FLT1: variants seen among roughly 807,000 people sequenced by gnomAD.
FLT1 encodes the protein fms related receptor tyrosine kinase 1.
FLT1 carries 49 observed loss-of-function variants against 156.3 expected under a neutral mutation model. The observed-to-expected ratio is 0.31, with a 90% confidence interval of 0.25 to 0.40. The LOEUF (loss-of-function observed/expected upper bound fraction) is 0.40. Ranked by LOEUF, FLT1 falls within the 10% of genes least tolerant of loss-of-function variation. FLT1 has a pLI of 1.00. For missense variants in FLT1, 1,322 were observed against 1,637.2 expected (o/e 0.81, Z 3.32); for synonymous variants, 594 against 583.8 (o/e 1.02, Z -0.25).
chr13:28,482,901 TG>T (rs1880942880), intron 1 of FLT1, among the ~76,000 whole-genome samples: 1 of 152,232 alleles, frequency 6.6e-6, no homozygotes, highest in Non-Finnish European at 1.5e-5. Context: ...TGACCAGTTT[TG>T]AAGACAGAGG....
At chr13:28,469,899 G>A (rs1880055791) in intron 1 of FLT1, among the ~76,000 whole-genome samples, 1 of 152,050 alleles carries the variant, frequency 6.6e-6, no homozygotes, top group African/African-American at 2.4e-5. Flanking sequence ...GACTACAGGT[G>A]CGCATCATCA....
intron 11 of FLT1, among the ~76,000 whole-genome samples, chr13:28,398,760 C>T (rs962286292): frequency 5.3e-5 from 8 of 152,176 alleles, no homozygotes; most frequent in African/African-American, 1.7e-4. Flanking sequence ...AGGCATTGCC[C>T]AGATGTTGTA....
rs150982836 is a variant in FLT1, at chr13:28,435,584, G to A, written c.514-1364C>T. On this transcript the variant is annotated intron_variant, in intron 4 of 29. Transcript: ENST00000282397. ...AAAGAAGCTCGAAACCTTTTCTATC[G>A]CCTTTTAAAAAGTACACCTGGCATC... Among the ~76,000 whole-genome samples the A allele has an allele frequency of 9.2e-5, 14 of 152,184 alleles. 1 individual carries two copies. Among genetic ancestry groups the A allele is most frequent in the African/African-American group, 3.1e-4 (13 of 41,528 alleles).
At chr13:28,379,850 A>C (rs565065307) in intron 14 of FLT1, among the ~76,000 whole-genome samples, 3 of 152,214 alleles carry the variant, frequency 2.0e-5, no homozygotes, top group Non-Finnish European at 4.4e-5. Context: ...AAAGGAAATG[A>C]TAAGGGAGGA....
chr13:28,463,829 A>C (rs1327265729), intron 3 of FLT1, among the ~76,000 whole-genome samples: 2 of 152,290 alleles, frequency 1.3e-5, no homozygotes, highest in East Asian at 3.9e-4. Context: ...AGAGACATAA[A>C]ATATTAGACT....
In FLT1 at chr13:28,357,597, G is replaced by A. The variant is rs868690929; in HGVS notation, c.2205C>T (p.Asn735=). 1 of 1,614,030 alleles carries A rather than the reference G, an allele frequency of 6.2e-7. No homozygotes were observed. The highest frequency in any genetic ancestry group is 8.5e-7 in the Non-Finnish European group (1 of 1,179,934). The change falls in exon 15 of 30, where the codon AAC becomes AAT. Residue 735 remains asparagine, a synonymous_variant. Coordinates refer to ENST00000282397, the MANE Select transcript of FLT1 (RefSeq NM_002019.4). ...DEGVYHCKAT[N]QKGSVESSAY... The stretch of plus-strand genomic sequence containing the variant: ...CTGAACTTTCCACAGAGCCCTTCTG[G>A]TTGGTGGCTTTGCAGTGATAGACAC...
chr13:28,473,515 C>T (rs547133853), intron 1 of FLT1, among the ~76,000 whole-genome samples: 41 of 151,436 alleles, frequency 2.7e-4, no homozygotes, highest in African/African-American at 9.2e-4. Context: ...CATGGTGGTG[C>T]GCGCCTGTAG....
chr13:28,372,455 A>T (rs1237399395), intron 14 of FLT1, among the ~76,000 whole-genome samples: 3 of 150,910 alleles, frequency 2.0e-5, no homozygotes, highest in African/African-American at 7.3e-5. Context: ...CATTGACAAG[A>T]TACATATCAA....
intron 1 of FLT1, among the ~76,000 whole-genome samples, chr13:28,489,890 T>G (rs572758700): frequency 3.3e-5 from 5 of 152,212 alleles, no homozygotes; most frequent in Admixed American, 2.0e-4. Context: ...AGCCATCATT[T>G]TGATTCTTAG....
intron 17 of FLT1, among the ~76,000 whole-genome samples, chr13:28,336,871 C>G (rs2138848802): frequency 6.6e-6 from 1 of 151,828 alleles, no homozygotes; most frequent in East Asian, 1.9e-4. Flanking sequence ...GCTCAGCCTC[C>G]TGAGTAGCTG....
rs768673087 is a variant in FLT1 at position 28,385,009 on chromosome 13, C to T, written c.1992G>A (p.Leu664=). Residue 664 remains leucine (L), a synonymous_variant, in exon 14 of 30, where the codon CTG becomes CTA. Transcript: ENST00000282397. ...TIRDQEAPYL[L]RNLSDHTVAI... ...CCACTGTGTGATCACTGAGGTTTCG[C>T]AGGAGGTATGGTGCTTCCTGATCTA... The T allele has an allele frequency of 5.0e-6, 8 of 1,613,976 alleles. 1 individual carries two copies. The South Asian group carries it at 8.8e-5, about 18-fold the overall frequency.
intron 11 of FLT1, among the ~76,000 whole-genome samples, chr13:28,398,860 T>C (rs936853378): frequency 2.0e-5 from 3 of 152,220 alleles, no homozygotes; most frequent in Non-Finnish European, 2.9e-5. Context: ...TTGAAGATCA[T>C]ACAAAAATTA....
chr13:28,465,780 G>GT lies in FLT1; in HGVS notation c.388+1122dup, dbSNP rs528354582. ...AATCGCTTGCCCCTGGGAGGCAGAA[G>GT]TTGCAGTGAGCTGCCATTGCACTCC... On this transcript the variant is annotated intron_variant, in intron 3 of 29. Coordinates refer to ENST00000282397, the MANE Select transcript of FLT1 (RefSeq NM_002019.4). Among the ~76,000 whole-genome samples, 11 of 152,298 alleles carry GT rather than the reference G, an allele frequency of 7.2e-5. No homozygotes were observed. In the South Asian group the frequency reaches 1.2e-3, roughly 17 times the overall value.
chr13:28,453,393 G>T (rs116947281), intron 3 of FLT1, among the ~76,000 whole-genome samples: 9,349 of 152,096 alleles, frequency 0.061, 430 homozygotes, highest in Admixed American at 0.12. Context: ...CAAGTGTTGG[G>T]ACTACAGGCG....
chr13:28,339,757 A>T (rs564536314), intron 16 of FLT1, among the ~76,000 whole-genome samples: 5 of 152,190 alleles, frequency 3.3e-5, no homozygotes, highest in African/African-American at 4.8e-5. Flanking sequence ...TATATAGGAA[A>T]AGCAAGAAGT....
chr13:28,316,664 A>T, intron 25 of FLT1, among the ~76,000 whole-genome samples: 1 of 147,734 alleles, frequency 6.8e-6, no homozygotes, highest in African/African-American at 2.5e-5. Context: ...TTTGAGACAT[A>T]ATCTCACTCT....
chr13:28,478,314 C>G (rs1880662872), intron 1 of FLT1, among the ~76,000 whole-genome samples: 1 of 152,204 alleles, frequency 6.6e-6, no homozygotes, highest in African/African-American at 2.4e-5. Flanking sequence ...TACATAGCAT[C>G]AGGATTACAG....
chr13:28,303,767 C>G lies in FLT1; in HGVS notation c.3816-399G>C, dbSNP rs1870619650. On this transcript the variant is annotated intron_variant, in intron 29 of 29. Transcript: ENST00000282397. ...AAATTTTTCATATTTTATATCCCTTCTGGCCTCCAGAACTGCAAGAGAATA... is the reference window on the plus strand; with the variant it reads ...AAATTTTTCATATTTTATATCCCTTGTGGCCTCCAGAACTGCAAGAGAATA... 2.6e-5 allele frequency among the ~76,000 whole-genome samples: 4 copies of G among 152,172 alleles called. No homozygotes were observed. In the South Asian group the frequency reaches 8.3e-4, roughly 31 times the overall value.
intron 1 of FLT1, among the ~76,000 whole-genome samples, chr13:28,470,465 T>C (rs1019242958): frequency 2.0e-5 from 3 of 152,210 alleles, no homozygotes; most frequent in Non-Finnish European, 4.4e-5. Flanking sequence ...CTGGCATTAC[T>C]TGTAGTTATC....
Sources: allele counts gnomAD v4.1 joint callset (sites outside exome capture counted in the v4.1 genomes callset), GRCh38; gene constraint gnomAD v4.1.1; transcripts MANE v1.5; gene names NCBI Gene and HGNC (gene_info 2026-07-23, HGNC 2026-07-21).